OLR1: variants seen among roughly 807,000 people sequenced by gnomAD.
OLR1 encodes the protein oxidized low-density lipoprotein receptor 1.
OLR1 carries 23 observed loss-of-function variants against 31.7 expected under a neutral mutation model. That is an observed-to-expected ratio of 0.72 (90% CI 0.52 to 1.03). OLR1 has a LOEUF of 1.03. Among genes scored for constraint, OLR1 ranks in the 50% least tolerant of loss-of-function variants. The probability of loss-of-function intolerance (pLI) is 0.00; values close to 1 mark genes in which losing one functional copy is unlikely to be tolerated. For synonymous variants in OLR1, 117 were observed against 115.8 expected (o/e 1.01, Z -0.07); for missense variants, 286 against 315.7 (o/e 0.91, Z 0.71).
intron 1 of OLR1, 75 bp downstream of exon 1, chr12:10,171,927 C>A: frequency 3.6e-6 from 4 of 1,104,898 alleles, no homozygotes; most frequent in Non-Finnish European, 5.5e-6. Context: ...TTTCTAATCC[C>A]ATTCTTCGGT....
Position 10,159,837 on chromosome 12 carries a change from T to TA in OLR1, c.*42dup. The TA allele has an allele frequency of 6.4e-7, 1 of 1,558,406 alleles. No homozygotes were observed. The highest frequency in any genetic ancestry group is 1.2e-5 in the South Asian group (1 of 86,732). ...ACAAAGAATAGCTTAAATTCCAGAA[T>TA]AAAACTCAAAGACTTTTTTCTTTTC... On this transcript the variant is annotated 3_prime_UTR_variant, in exon 6 of 6. Transcript: ENST00000309539.
chr12:10,163,536 CT>C (rs1298351347), intron 3 of OLR1, among the ~76,000 whole-genome samples: 3 of 151,246 alleles, frequency 2.0e-5, no homozygotes, highest in African/African-American at 7.3e-5. Context: ...AGACCACAGA[CT>C]TTTTAGTAAA....
upstream of OLR1, among the ~76,000 whole-genome samples, chr12:10,172,720 G>A (rs1212713689): frequency 6.6e-6 from 1 of 152,150 alleles, no homozygotes. Context: ...AATGCAGAAA[G>A]AGCTAGTTTC....
rs35586937 is a variant in OLR1, at chr12:10,161,073, G to T, written c.425-148C>A. ...GTTTTTGTATTTTTAGTAGAGATGG[G>T]GTTTCACCATGTAGGCCAAGCCTCC... On this transcript the variant is annotated intron_variant, in intron 3 of 5. Coordinates refer to ENST00000309539, the MANE Select transcript of OLR1 (RefSeq NM_002543.4). The T allele has an allele frequency of 2.2e-3, 1,836 of 829,220 alleles. 21 individuals carry two copies. The African/African-American group carries it at 0.028, about 13-fold the overall frequency. 51.4% of individuals were successfully genotyped at this position (829,220 alleles called of 1,614,324 possible). A position where few individuals can be genotyped will look rare whatever the true frequency, so the allele number is the denominator to read the frequency against.
chr12:10,174,768 G>A (rs528120270), upstream of OLR1, among the ~76,000 whole-genome samples: 254 of 152,156 alleles, frequency 1.7e-3, 1 homozygote, highest in South Asian at 0.013. Flanking sequence ...GGAAACCACC[G>A]TTCCATTTTT....
rs1396981801 is a variant in OLR1, at chr12:10,169,512, C to A, written c.77-337G>T. Among the ~76,000 whole-genome samples, 21 of 152,286 alleles carry A rather than the reference C, an allele frequency of 1.4e-4. No individual in the cohort carries two copies. In the East Asian group the frequency reaches 3.5e-3, roughly 25 times the overall value. On this transcript the variant is annotated intron_variant, in intron 1 of 5. Coordinates refer to ENST00000309539, the MANE Select transcript of OLR1 (RefSeq NM_002543.4). ...TTTATCTACTTTCCCGACAATTACT[C>A]CTCAAGAAACTCACAGTCTAGCTTG... is the stretch of plus-strand genomic sequence containing the variant.
In OLR1 at chr12:10,160,523, T is replaced by A; in HGVS notation, c.565-61A>T. On this transcript the variant is annotated intron_variant, in intron 4 of 5. Coordinates refer to ENST00000309539, the MANE Select transcript of OLR1 (RefSeq NM_002543.4). ...ACATGGTGGTTTTAGAATCTGAAAGTCAGTTAGTGTTGGATCCACAAAACT... is the reference window on the plus strand; with the variant it reads ...ACATGGTGGTTTTAGAATCTGAAAGACAGTTAGTGTTGGATCCACAAAACT... 2.2e-6 allele frequency: 3 copies of A among 1,344,540 alleles called. No individual in the cohort carries two copies. The Admixed American group carries it at 5.8e-5, about 26-fold the overall frequency. The allele number at this position is 1,344,540 out of a possible 1,614,324, so 83.3% of individuals were successfully genotyped here.
chr12:10,169,866 GA>G (rs34193463), intron 1 of OLR1, among the ~76,000 whole-genome samples: 7 of 146,234 alleles, frequency 4.8e-5, no homozygotes, highest in African/African-American at 7.6e-5. Flanking sequence ...TCACCATTTT[GA>G]AAAAAAAATC....
At chr12:10,168,548 C>T (rs1948681230) in intron 2 of OLR1, among the ~76,000 whole-genome samples, 1 of 152,152 alleles carries the variant, frequency 6.6e-6, no homozygotes, top group African/African-American at 2.4e-5. Flanking sequence ...GGCTGGAGTG[C>T]AATGGTGCAG....
intron 3 of OLR1, among the ~76,000 whole-genome samples, chr12:10,163,320 C>A (rs1312512359): frequency 6.6e-6 from 1 of 152,078 alleles, no homozygotes; most frequent in African/African-American, 2.4e-5. Flanking sequence ...GCTCTCGAGA[C>A]ATTTTGATAC....
Position 10,159,785 on chromosome 12 carries a change from T to C in OLR1, c.*95A>G. ...TGCAGCCAGCTAAATGACAGTTTTC[T>C]GGGCTCTCATGTTTGGCACCCAAGT... is the stretch of plus-strand genomic sequence containing the variant. On this transcript the variant is annotated 3_prime_UTR_variant, in exon 6 of 6. Coordinates refer to ENST00000309539, the MANE Select transcript of OLR1 (RefSeq NM_002543.4). 7.8e-7 allele frequency: 1 copy of C among 1,283,886 alleles called. No individual in the cohort carries two copies. The highest frequency in any genetic ancestry group is 1.6e-5 in the South Asian group (1 of 63,140). The allele number at this position is 1,283,886 out of a possible 1,614,324, so 79.5% of individuals were successfully genotyped here.
At chr12:10,172,150 T>G, upstream of OLR1, 1 of 1,000,898 alleles carries the variant, frequency 1.0e-6, no homozygotes, top group East Asian at 2.4e-5. Flanking sequence ...TGTGAGCTTC[T>G]GCAGAAGTAT....
chr12:10,176,112 T>A (rs1252153753), upstream of OLR1, among the ~76,000 whole-genome samples: 2 of 152,216 alleles, frequency 1.3e-5, no homozygotes, highest in African/African-American at 4.8e-5. Context: ...TTTCCCTCTA[T>A]CCCAGCTACC....
intron 3 of OLR1, among the ~76,000 whole-genome samples, chr12:10,161,941 ATAT>A (rs1394227856): frequency 0.024 from 1,431 of 60,756 alleles, 20 homozygotes; most frequent in African/African-American, 0.046. Flanking sequence ...ATATATATAT[ATAT>A]AAAAAACACA....
rs1253898313 is a variant in OLR1 at position 10,160,399 on chromosome 12, T to C, written c.628A>G (p.Asn210Asp). Residue 210 changes from asparagine (N) to aspartate (D), a missense_variant, in exon 5 of 6, where the codon AAC (asparagine) becomes GAC (aspartate). Coordinates refer to ENST00000309539, the MANE Select transcript of OLR1 (RefSeq NM_002543.4). Reference protein sequence around the residue: ...FPFWMGLSRRNPSYPWLWEDG... With the variant: ...FPFWMGLSRRDPSYPWLWEDG... Reference sequence around the variant, plus strand: ...TCCCAGAGCCATGGGTAGCTGGGGTTCCTCCGAGACAGCCCCATCCAGAAT... The same window carrying C: ...TCCCAGAGCCATGGGTAGCTGGGGTCCCTCCGAGACAGCCCCATCCAGAAT... 6.2e-7 allele frequency: 1 copy of C among 1,613,730 alleles called. No individual in the cohort carries two copies. The highest frequency in any genetic ancestry group is 1.3e-5 in the African/African-American group (1 of 74,884).
chr12:10,163,517 A>G (rs1591980513), intron 3 of OLR1, among the ~76,000 whole-genome samples: 1 of 152,024 alleles, frequency 6.6e-6, no homozygotes, highest in Non-Finnish European at 1.5e-5. Context: ...CTCCTCATAT[A>G]TACATTGAAG....
intron 3 of OLR1, among the ~76,000 whole-genome samples, chr12:10,161,300 A>C (rs745707596): frequency 5.9e-5 from 9 of 152,234 alleles, no homozygotes; most frequent in Non-Finnish European, 1.0e-4. Context: ...ACTTCCCCTG[A>C]TGAAAAGCAA....
chr12:10,159,067 T>C lies in OLR1; in HGVS notation c.*813A>G, dbSNP rs147287871. The C allele has an allele frequency of 1.3e-5, 2 of 152,336 alleles. No homozygotes were observed. The highest frequency in any genetic ancestry group is 4.8e-5 in the African/African-American group (2 of 41,568). 9.4% of individuals were successfully genotyped at this position (152,336 alleles called of 1,614,324 possible). On this transcript the variant is annotated 3_prime_UTR_variant, in exon 6 of 6. Transcript: ENST00000309539. The stretch of plus-strand genomic sequence containing the variant: ...GAAGAGTTCATCTACAAAAGGTATG[T>C]TCTTTAGGGAAAGAAATTCTATTCT...
upstream of OLR1, among the ~76,000 whole-genome samples, chr12:10,174,991 C>T (rs193014083): frequency 4.1e-4 from 63 of 152,210 alleles, no homozygotes; most frequent in Non-Finnish European, 6.3e-4. Flanking sequence ...CATTGATGGA[C>T]GTTTGGGTTT....
Sources: allele counts gnomAD v4.1 joint callset (sites outside exome capture counted in the v4.1 genomes callset), GRCh38; gene constraint gnomAD v4.1.1; transcripts MANE v1.5; gene names NCBI Gene and HGNC (gene_info 2026-07-23, HGNC 2026-07-21).